Variants in STXBP4 observed in about 807,000 individuals in gnomAD.
The protein encoded by STXBP4 is syntaxin-binding protein 4.
In STXBP4, 55 loss-of-function variants were observed where a neutral mutation model predicts 76.1. The ratio of observed to expected loss-of-function variants is 0.72; its 90% CI spans 0.58 to 0.91. STXBP4 has a LOEUF of 0.91. Among genes scored for constraint, STXBP4 ranks in the 40% least tolerant of loss-of-function variants. The pLI, the probability that STXBP4 is intolerant of heterozygous loss-of-function variation, is 0.00. For missense variants in STXBP4, 618 were observed against 636.9 expected (o/e 0.97, Z 0.32); for synonymous variants, 201 against 220.2 (o/e 0.91, Z 0.77).
chr17:55,056,025 T>TA (rs1339074926), intron 12 of STXBP4, among the ~76,000 whole-genome samples: 2 of 152,192 alleles, frequency 1.3e-5, no homozygotes, highest in African/African-American at 4.8e-5. Flanking sequence ...ACTTTAAGGT[T>TA]AAACTGACAG....
intron 1 of STXBP4, among the ~76,000 whole-genome samples, chr17:54,980,030 C>CTG (rs71300611): frequency 6.6e-6 from 1 of 151,882 alleles, no homozygotes; most frequent in African/African-American, 2.4e-5. Flanking sequence ...TGACAGGTGT[C>CTG]TGTGTGTGTG....
At chr17:54,973,786 G>C (rs2077432225) in intron 1 of STXBP4, among the ~76,000 whole-genome samples, 1 of 152,172 alleles carries the variant, frequency 6.6e-6, no homozygotes, top group African/African-American at 2.4e-5. Flanking sequence ...AGGTAGAGGT[G>C]TTAATTACAC....
chr17:55,036,785 AC>A (rs1483649097), intron 10 of STXBP4, among the ~76,000 whole-genome samples: 2 of 152,070 alleles, frequency 1.3e-5, no homozygotes, highest in African/African-American at 4.8e-5. Flanking sequence ...CAAAAATTGC[AC>A]TTTTATTTCA....
At chr17:55,193,292 G>A in the STXBP4 span, among the ~76,000 whole-genome samples, 6 of 152,158 alleles carry the variant, frequency 3.9e-5, no homozygotes, top group African/African-American at 1.4e-4. Context: ...AACCACGTTA[G>A]ATGAAAGGAC....
At chr17:55,209,634 C>G in the STXBP4 span, among the ~76,000 whole-genome samples, 1 of 152,182 alleles carries the variant, frequency 6.6e-6, no homozygotes, top group Non-Finnish European at 1.5e-5. Flanking sequence ...CTTTAAAGTA[C>G]AGTCCACCTG....
intron 8 of STXBP4, among the ~76,000 whole-genome samples, chr17:55,026,183 TC>T (rs2078410422): frequency 6.6e-6 from 1 of 152,148 alleles, no homozygotes; most frequent in Non-Finnish European, 1.5e-5. Flanking sequence ...ATAGCAATAC[TC>T]CCCACGTCGG....
At chr17:55,069,467 C>A (rs902327985) in intron 12 of STXBP4, among the ~76,000 whole-genome samples, 3 of 152,122 alleles carry the variant, frequency 2.0e-5, no homozygotes, top group Non-Finnish European at 4.4e-5. Context: ...TATTAGAAGA[C>A]AGCCTGGGAG....
intron 16 of STXBP4, among the ~76,000 whole-genome samples, chr17:55,128,008 T>C (rs12603768): frequency 0.041 from 6,243 of 152,264 alleles, 217 homozygotes; most frequent in East Asian, 0.2. Context: ...TGTCTATTGA[T>C]CCTCCTTACC....
chr17:54,989,337 C>T (rs1232095284), intron 3 of STXBP4, among the ~76,000 whole-genome samples: 3 of 152,160 alleles, frequency 2.0e-5, no homozygotes, highest in East Asian at 1.9e-4. Flanking sequence ...CCTCGTGATC[C>T]GCCCGCCTCG....
chr17:55,190,441 C>T, the STXBP4 span, among the ~76,000 whole-genome samples: 2 of 152,158 alleles, frequency 1.3e-5, no homozygotes, highest in African/African-American at 4.8e-5. Context: ...TGGTCAATTT[C>T]ACATTCCCCA....
rs576629411 is a variant in STXBP4 at position 55,139,235 on chromosome 17, C to T, written c.1490-2075C>T. 4.6e-5 allele frequency among the ~76,000 whole-genome samples: 7 copies of T among 152,076 alleles called. No individual in the cohort carries two copies. The East Asian group carries it at 1.4e-3, about 29-fold the overall frequency. ...CTGATGGCACAGGGGATGTGGTAAT[C>T]CAATGTTAGTGTCAATTTTCACATG... On this transcript the variant is annotated intron_variant, in intron 16 of 17. Transcript: ENST00000376352.
At chr17:55,096,425 A>G (rs1403518176) in intron 16 of STXBP4, among the ~76,000 whole-genome samples, 1 of 152,032 alleles carries the variant, frequency 6.6e-6, no homozygotes, top group Non-Finnish European at 1.5e-5. Flanking sequence ...ATTCAATAAA[A>G]TATACCTCAT....
intron 12 of STXBP4, among the ~76,000 whole-genome samples, chr17:55,054,777 A>G (rs1198390701): frequency 1.3e-5 from 2 of 152,128 alleles, no homozygotes; most frequent in African/African-American, 2.4e-5. Context: ...AAAAAATATT[A>G]AGAGGTGGAA....
chr17:55,102,338 C>T (rs2079577059), intron 16 of STXBP4, among the ~76,000 whole-genome samples: 2 of 152,074 alleles, frequency 1.3e-5, no homozygotes, highest in African/African-American at 4.8e-5. Context: ...CATGTGTTCT[C>T]GTTGTTTAAC....
At chr17:55,032,701 A>C (rs1425596630) in intron 9 of STXBP4, among the ~76,000 whole-genome samples, 1 of 152,168 alleles carries the variant, frequency 6.6e-6, no homozygotes, top group Non-Finnish European at 1.5e-5. Context: ...GTGGACCTAT[A>C]GTTGCCAGCT....
intron 7 of STXBP4, among the ~76,000 whole-genome samples, chr17:55,006,681 A>G (rs2078013705): frequency 6.6e-6 from 1 of 152,194 alleles, no homozygotes; most frequent in South Asian, 2.1e-4. Flanking sequence ...GCTCTTGCAA[A>G]TTCATTTATG....
chr17:55,065,337 GAATTCTTGGTCA>G (rs551852590), intron 12 of STXBP4, among the ~76,000 whole-genome samples: 46 of 152,124 alleles, frequency 3.0e-4, no homozygotes, highest in African/African-American at 1.1e-3. Context: ...TTTGAATTTA[GAATTCTTGGTCA>G]AATTCCTCCA....
At chr17:55,188,807 C>T in the STXBP4 span, among the ~76,000 whole-genome samples, 3 of 152,188 alleles carry the variant, frequency 2.0e-5, no homozygotes, top group Non-Finnish European at 2.9e-5. Context: ...TCCGAGTTTC[C>T]TCTTCTTTCC....
In STXBP4 at chr17:55,135,872, T is replaced by C. The variant is rs150171665; in HGVS notation, c.1490-5438T>C. 3.4e-3 allele frequency among the ~76,000 whole-genome samples: 525 copies of C among 152,288 alleles called. 12 individuals are homozygous for C. Among genetic ancestry groups the C allele is most frequent in the Middle Eastern group, 0.027 (8 of 294 alleles). On this transcript the variant is annotated intron_variant, in intron 16 of 17. Coordinates refer to ENST00000376352, the MANE Select transcript of STXBP4 (RefSeq NM_178509.6). Reference sequence around the variant, plus strand: ...TCTTCAAAGAGTTAGGCAAAAGTATTATTTGATTGTTTTAATTTTGACTAT... The same window carrying C: ...TCTTCAAAGAGTTAGGCAAAAGTATCATTTGATTGTTTTAATTTTGACTAT...
Sources: gnomAD v4.1 joint callset for allele counts (sites outside exome capture counted in the v4.1 genomes callset) on GRCh38, gnomAD v4.1.1 for gene constraint, MANE v1.5 for transcripts, NCBI Gene and HGNC (gene_info 2026-07-23, HGNC 2026-07-21) for gene names.